The following ASB3 variants were observed in gnomAD, a reference collection of about 807,000 sequenced individuals.
The protein encoded by ASB3 is ankyrin repeat and SOCS box protein 3.
ASB3 carries 41 observed loss-of-function variants against 54.5 expected under a neutral mutation model. The ratio of observed to expected loss-of-function variants is 0.75; its 90% CI spans 0.59 to 0.98. ASB3 has a LOEUF of 0.98. Ranked by LOEUF, ASB3 falls within the 50% of genes least tolerant of loss-of-function variation. The probability of loss-of-function intolerance (pLI) is 0.00; values close to 1 mark genes in which losing one functional copy is unlikely to be tolerated. For synonymous variants in ASB3, 266 were observed against 221.2 expected, an observed-to-expected ratio of 1.20 and a Z score of -1.80; for missense variants, 733 against 620.0, an observed-to-expected ratio of 1.18 and a Z score of -1.94.
intron 2 of ASB3, among the ~76,000 whole-genome samples, chr2:53,764,590 G>A (rs932797943): frequency 5.3e-5 from 8 of 152,050 alleles, no homozygotes; most frequent in African/African-American, 1.7e-4. Flanking sequence ...TCAGAATCTC[G>A]CCTTTAGTCA....
chr2:53,710,356 GT>G (rs1208279342), intron 7 of ASB3, among the ~76,000 whole-genome samples: 9 of 152,012 alleles, frequency 5.9e-5, no homozygotes, highest in Admixed American at 1.3e-4. Flanking sequence ...CTTTTTTATA[GT>G]TTCTACTACT....
At position 53,729,116 on chromosome 2, in the gene ASB3, C is replaced by T. The variant is rs1179375751; in HGVS notation, c.469-269G>A. Among the ~76,000 whole-genome samples the T allele has an allele frequency of 5.9e-5, 9 of 152,184 alleles. No homozygotes were observed. In the East Asian group the frequency reaches 1.7e-3, roughly 29 times the overall value. ...TATAGAATCCTGAAAAATTAGCTTG[C>T]TAACCAAAGCACTAAGGAGCCATCA... On this transcript the variant is annotated intron_variant, in intron 4 of 9. Transcript: ENST00000263634.
At chr2:53,726,497 G>C (rs979170728) in intron 5 of ASB3, among the ~76,000 whole-genome samples, 1 of 151,574 alleles carries the variant, frequency 6.6e-6, no homozygotes, top group African/African-American at 2.4e-5. Context: ...CTGAGCTCAG[G>C]CAATCTGCCC....
chr2:53,748,119 C>G (rs1672326415), intron 3 of ASB3, among the ~76,000 whole-genome samples: 1 of 152,070 alleles, frequency 6.6e-6, no homozygotes. Flanking sequence ...AGTGAAGATC[C>G]AATTATCTGC....
intron 1 of ASB3, among the ~76,000 whole-genome samples, chr2:53,786,022 G>T (rs1674963452): frequency 6.6e-6 from 1 of 152,108 alleles, no homozygotes; most frequent in Admixed American, 6.5e-5. Context: ...CCTGCTTTTT[G>T]ATTTGGTTCA....
intron 4 of ASB3, 106 bp downstream of exon 4, chr2:53,729,352 T>C: frequency 9.2e-7 from 1 of 1,083,528 alleles, no homozygotes; most frequent in Non-Finnish European, 1.4e-6. Flanking sequence ...GCACTAACCA[T>C]CATAAATCAC....
chr2:53,754,594 G>A lies in ASB3; in HGVS notation c.197-3653C>T, dbSNP rs148893440. On this transcript the variant is annotated intron_variant, in intron 2 of 9. Transcript: ENST00000263634. ...AAGATAACATTTGAAGTTGGATTGA[G>A]GCTGCAACTTTGACTCTGCTAGAAA... Among the ~76,000 whole-genome samples, 349 of 152,248 alleles carry A rather than the reference G, an allele frequency of 2.3e-3. 1 individual carries two copies. The highest frequency in any genetic ancestry group is 8.0e-3 in the African/African-American group (334 of 41,534).
chr2:53,685,194 A>C (rs1201498202), intron 9 of ASB3, among the ~76,000 whole-genome samples: 1 of 152,174 alleles, frequency 6.6e-6, no homozygotes, highest in African/African-American at 2.4e-5. Flanking sequence ...TTTAACAGTG[A>C]TTTTCAGAAT....
intron 4 of ASB3, among the ~76,000 whole-genome samples, chr2:53,729,187 T>A (rs930074796): frequency 6.6e-6 from 1 of 152,208 alleles, no homozygotes; most frequent in African/African-American, 2.4e-5. Flanking sequence ...CATTGCTCTT[T>A]ATCAATTTAT....
intron 5 of ASB3, among the ~76,000 whole-genome samples, chr2:53,725,978 A>G (rs1670970833): frequency 6.6e-6 from 1 of 152,176 alleles, no homozygotes; most frequent in Non-Finnish European, 1.5e-5. Flanking sequence ...TCAAAGTATC[A>G]CAAAGAATAA....
intron 3 of ASB3, among the ~76,000 whole-genome samples, chr2:53,730,553 G>A (rs187147827): frequency 8.4e-4 from 128 of 152,206 alleles, no homozygotes; most frequent in African/African-American, 3.0e-3. Context: ...ATTCCTCTGG[G>A]TATATACCCA....
rs555861574 is a variant in ASB3, at chr2:53,784,328, G to A, written c.-14+2493C>T. ...GGCACATGCTGTCAGGACCTCCTGA[G>A]GCTGTCTGTGACACGTCCTTAACCT... is the stretch of plus-strand genomic sequence containing the variant. On this transcript the variant is annotated intron_variant, in intron 1 of 9. Coordinates refer to ENST00000263634, the MANE Select transcript of ASB3 (RefSeq NM_016115.5). Among the ~76,000 whole-genome samples, 8 of 152,314 alleles carry A rather than the reference G, an allele frequency of 5.3e-5. No individual in the cohort carries two copies. The South Asian group carries it at 1.7e-3, about 32-fold the overall frequency.
In ASB3 at chr2:53,708,269, C is replaced by A. The variant is rs149192476; in HGVS notation, c.980+6115G>T. Among the ~76,000 whole-genome samples the A allele has an allele frequency of 2.1e-3, 314 of 152,258 alleles. 1 individual carries two copies. Among genetic ancestry groups the A allele is most frequent in the African/African-American group, 7.1e-3 (295 of 41,558 alleles). On this transcript the variant is annotated intron_variant, in intron 7 of 9. Transcript: ENST00000263634. ...CCACACTCACTCTCTTGCTCCTGCT[C>A]CTGCCATGTAAGAAGCAGCCTGCTC... is the stretch of plus-strand genomic sequence containing the variant.
At chr2:53,712,877 T>C (rs1251701772) in intron 7 of ASB3, among the ~76,000 whole-genome samples, 5 of 152,246 alleles carry the variant, frequency 3.3e-5, no homozygotes, top group Admixed American at 2.6e-4. Flanking sequence ...CTAAAAGTTA[T>C]CAGTGCAACC....
chr2:53,774,176 TA>T, intron 1 of ASB3: 1 of 1,612,018 alleles, frequency 6.2e-7, no homozygotes, highest in Non-Finnish European at 8.5e-7. Flanking sequence ...AGATTGCCAG[TA>T]GGAAAGGAAG....
intron 3 of ASB3, among the ~76,000 whole-genome samples, chr2:53,736,236 G>A (rs927144212): frequency 6.6e-6 from 1 of 152,134 alleles, no homozygotes; most frequent in Admixed American, 6.5e-5. Context: ...ACATGGAAAA[G>A]TACTCACCTT....
chr2:53,687,033 T>C (rs1668669544), intron 9 of ASB3, among the ~76,000 whole-genome samples: 1 of 152,216 alleles, frequency 6.6e-6, no homozygotes, highest in African/African-American at 2.4e-5. Context: ...TGCTCCTTTC[T>C]TAACGTACCA....
At chr2:53,768,428 A>G (rs913997179) in intron 1 of ASB3, among the ~76,000 whole-genome samples, 10 of 152,240 alleles carry the variant, frequency 6.6e-5, no homozygotes, top group African/African-American at 2.4e-4. Flanking sequence ...GCTTTTTAGC[A>G]ATTAAATTTG....
chr2:53,673,656 A>C (rs576631234), intron 9 of ASB3, among the ~76,000 whole-genome samples: 1 of 152,338 alleles, frequency 6.6e-6, no homozygotes, highest in East Asian at 1.9e-4. Flanking sequence ...ACTAGATCTC[A>C]ATGATTTGAC....
Sources: gnomAD v4.1 joint callset for allele counts (sites outside exome capture counted in the v4.1 genomes callset) on GRCh38, gnomAD v4.1.1 for gene constraint, MANE v1.5 for transcripts, NCBI Gene and HGNC (gene_info 2026-07-23, HGNC 2026-07-21) for gene names.